Variants in PDE1A observed in about 807,000 individuals in gnomAD.
PDE1A encodes dual specificity calcium/calmodulin-dependent 3',5'-cyclic nucleotide phosphodiesterase 1A.
PDE1A carries 35 observed loss-of-function variants against 61.7 expected under a neutral mutation model. The observed-to-expected ratio is 0.57, with a 90% CI of 0.43 to 0.75. The LOEUF is 0.75. PDE1A is among the 30% of genes least tolerant of loss of function. The pLI is 0.00. For missense variants in PDE1A, 597 were observed against 630.6 expected, an observed-to-expected ratio of 0.95 and a Z score of 0.57; for synonymous variants, 232 against 213.2, an observed-to-expected ratio of 1.09 and a Z score of -0.77.
the PDE1A span, among the ~76,000 whole-genome samples, chr2:182,544,283 C>T: frequency 2.3e-4 from 35 of 152,206 alleles, 2 homozygotes; most frequent in South Asian, 5.0e-3. Context: ...GCAGGACTAG[C>T]CCTGACAGAT....
chr2:182,345,684 T>G (rs946562098), intron 1 of PDE1A, among the ~76,000 whole-genome samples: 1 of 152,164 alleles, frequency 6.6e-6, no homozygotes, highest in Non-Finnish European at 1.5e-5. Context: ...AATGGTTGTT[T>G]CCTCTGCCAG....
chr2:182,516,697 G>A (rs1690177725), intron 2 of PDE1A, among the ~76,000 whole-genome samples: 2 of 100,922 alleles, frequency 2.0e-5, no homozygotes, highest in Admixed American at 2.3e-4. Flanking sequence ...GGGAAGGGAG[G>A]AAGGGAGGAA....
At chr2:182,660,173 C>T in the PDE1A span, among the ~76,000 whole-genome samples, 2 of 152,132 alleles carry the variant, frequency 1.3e-5, no homozygotes, top group African/African-American at 4.8e-5. Context: ...TGGTCCCCAG[C>T]CTTATCTAAG....
At chr2:182,543,983 T>C in the PDE1A span, among the ~76,000 whole-genome samples, 1 of 152,222 alleles carries the variant, frequency 6.6e-6, no homozygotes, top group Non-Finnish European at 1.5e-5. Flanking sequence ...CTCCACATCC[T>C]GAATTCTGTC....
the PDE1A span, among the ~76,000 whole-genome samples, chr2:182,685,204 T>G: frequency 2.5e-3 from 386 of 152,026 alleles, 1 homozygote; most frequent in African/African-American, 8.8e-3. Flanking sequence ...GAGAAACAGA[T>G]GGCTTGCCTG....
Position 182,189,751 on chromosome 2 carries a change from T to A in PDE1A, c.1126-691A>T, listed in dbSNP as rs16822827. On this transcript the variant is annotated intron_variant, in intron 10 of 13. Transcript: ENST00000351439. ...TTCATGAGAAGTAATTAAATTTTCA[T>A]CTTCTAAAACAAAGGTTGCTGTTCT... Among the ~76,000 whole-genome samples, 69 of 152,334 alleles carry A rather than the reference T, an allele frequency of 4.5e-4. 2 individuals are homozygous for A. The East Asian group carries it at 0.011, about 24-fold the overall frequency.
At chr2:182,623,543 C>T in the PDE1A span, among the ~76,000 whole-genome samples, 2 of 152,154 alleles carry the variant, frequency 1.3e-5, no homozygotes, top group Non-Finnish European at 2.9e-5. Flanking sequence ...GCAGAAGAGC[C>T]ATTAGTGAAG....
At chr2:182,589,076 A>C in the PDE1A span, among the ~76,000 whole-genome samples, 2 of 144,906 alleles carry the variant, frequency 1.4e-5, no homozygotes, top group African/African-American at 2.5e-5. Flanking sequence ...AATAATAATA[A>C]TAATAATAAT....
chr2:182,254,171 G>C (rs1421092950), intron 2 of PDE1A, among the ~76,000 whole-genome samples: 1 of 152,016 alleles, frequency 6.6e-6, no homozygotes, highest in African/African-American at 2.4e-5. Flanking sequence ...CTTTTCAGGA[G>C]TGAGGCTGTT....
At chr2:182,549,498 G>T in the PDE1A span, among the ~76,000 whole-genome samples, 1 of 152,064 alleles carries the variant, frequency 6.6e-6, no homozygotes, top group Non-Finnish European at 1.5e-5. Flanking sequence ...AGGAAAGAGT[G>T]AATTAGGAAA....
At chr2:182,577,455 T>C in the PDE1A span, among the ~76,000 whole-genome samples, 1 of 152,204 alleles carries the variant, frequency 6.6e-6, no homozygotes, top group African/African-American at 2.4e-5. Flanking sequence ...CAGCCAGATG[T>C]CTTAGATATT....
At chr2:182,652,529 A>T in the PDE1A span, among the ~76,000 whole-genome samples, 1 of 152,148 alleles carries the variant, frequency 6.6e-6, no homozygotes, top group African/African-American at 2.4e-5. Flanking sequence ...GAGTCAAAAC[A>T]TGCATGGAAC....
At chr2:182,262,394 T>C (rs982230067) in intron 2 of PDE1A, among the ~76,000 whole-genome samples, 11 of 152,006 alleles carry the variant, frequency 7.2e-5, no homozygotes, top group Non-Finnish European at 1.2e-4. Context: ...GCCTCCCAAA[T>C]AGCTGGGACT....
At chr2:182,190,988 G>A (rs1029283057) in intron 10 of PDE1A, among the ~76,000 whole-genome samples, 14 of 151,906 alleles carry the variant, frequency 9.2e-5, no homozygotes, top group African/African-American at 1.5e-4. Flanking sequence ...CCATAATTTA[G>A]AATAGCAACA....
chr2:182,342,898 A>G (rs1024107896), intron 1 of PDE1A, among the ~76,000 whole-genome samples: 1 of 152,230 alleles, frequency 6.6e-6, no homozygotes, highest in Non-Finnish European at 1.5e-5. Context: ...GGGCTCCAGA[A>G]TAATAAGACA....
At chr2:182,209,841 T>C (rs551725844) in intron 7 of PDE1A, among the ~76,000 whole-genome samples, 12 of 152,260 alleles carry the variant, frequency 7.9e-5, no homozygotes, top group Non-Finnish European at 1.2e-4. Flanking sequence ...ATGAGTCAAT[T>C]GAACCTCTTT....
At chr2:182,385,667 A>AAG (rs1701001558) in intron 1 of PDE1A, among the ~76,000 whole-genome samples, 2 of 111,350 alleles carry the variant, frequency 1.8e-5, no homozygotes, top group African/African-American at 3.6e-5. Flanking sequence ...AAGAAGAAAA[A>AAG]AAGAAAGAAA....
At chr2:182,414,098 A>G (rs1439952833) in intron 1 of PDE1A, among the ~76,000 whole-genome samples, 3 of 152,168 alleles carry the variant, frequency 2.0e-5, no homozygotes, top group African/African-American at 7.2e-5. Flanking sequence ...ACCTAACAGA[A>G]GACAGTTGAG....
At chr2:182,616,674 T>C in the PDE1A span, among the ~76,000 whole-genome samples, 1 of 152,242 alleles carries the variant, frequency 6.6e-6, no homozygotes, top group African/African-American at 2.4e-5. Flanking sequence ...GAGAGCATCT[T>C]TGCTAGGCAG....
Sources: allele counts gnomAD v4.1 joint callset (sites outside exome capture counted in the v4.1 genomes callset), GRCh38; gene constraint gnomAD v4.1.1; transcripts MANE v1.5; gene names NCBI Gene and HGNC (gene_info 2026-07-23, HGNC 2026-07-21).